Variants in EYS observed in about 807,000 individuals in gnomAD.
The protein encoded by EYS is EGF-like photoreceptor maintenance factor.
EYS carries 250 observed loss-of-function variants against 282.1 expected under a neutral mutation model. That is an observed-to-expected ratio of 0.89 (90% confidence interval 0.80 to 0.98). EYS has a LOEUF of 0.98. EYS is among the 50% of genes least tolerant of loss of function. EYS has a pLI of 0.00. For synonymous variants in EYS, 1,355 were observed against 1,282.9 expected (o/e 1.06, Z -1.20); for missense variants, 4,016 against 3,709.0 (o/e 1.08, Z -2.15).
At chr6:64,673,084 A>C (rs1339731999) in intron 22 of EYS, among the ~76,000 whole-genome samples, 1 of 152,188 alleles carries the variant, frequency 6.6e-6, no homozygotes, top group African/African-American at 2.4e-5. Context: ...AACCAATTTT[A>C]CCCTTTCTTT....
intron 31 of EYS, among the ~76,000 whole-genome samples, chr6:64,193,509 T>C (rs1295317074): frequency 6.6e-6 from 1 of 151,984 alleles, no homozygotes; most frequent in East Asian, 1.9e-4. Flanking sequence ...TATTTATTTA[T>C]TTTTATTATA....
chr6:65,234,011 C>G (rs1349331808), intron 12 of EYS, among the ~76,000 whole-genome samples: 1 of 152,172 alleles, frequency 6.6e-6, no homozygotes, highest in African/African-American at 2.4e-5. Flanking sequence ...CTTCCTGATT[C>G]TATCACATTT....
At chr6:64,136,224 CA>C (rs1292455510) in intron 31 of EYS, among the ~76,000 whole-genome samples, 4 of 151,568 alleles carry the variant, frequency 2.6e-5, no homozygotes, top group African/African-American at 9.7e-5. Flanking sequence ...GAGATTATAG[CA>C]AGTTAGTCAC....
At chr6:64,595,106 G>T (rs1357362613) in intron 24 of EYS, among the ~76,000 whole-genome samples, 1 of 152,058 alleles carries the variant, frequency 6.6e-6, no homozygotes, top group South Asian at 2.1e-4. Flanking sequence ...GATCAAGTGG[G>T]ATTTATCCCA....
At chr6:65,155,115 G>GA (rs888274182) in intron 12 of EYS, among the ~76,000 whole-genome samples, 2 of 151,456 alleles carry the variant, frequency 1.3e-5, no homozygotes, top group Admixed American at 1.3e-4. Context: ...ACATCATTTT[G>GA]AATCTTCAGA....
chr6:65,202,566 C>A (rs963904459), intron 12 of EYS, among the ~76,000 whole-genome samples: 1 of 152,212 alleles, frequency 6.6e-6, no homozygotes, highest in South Asian at 2.1e-4. Context: ...AAGATGACAT[C>A]TGCGGCCTGA....
chr6:64,178,061 T>C (rs1002906739), intron 31 of EYS, among the ~76,000 whole-genome samples: 4 of 152,040 alleles, frequency 2.6e-5, no homozygotes, highest in African/African-American at 9.7e-5. Context: ...CCTAGGTTTG[T>C]TTTTTTCTTC....
chr6:64,055,007 T>C (rs1474551820), intron 33 of EYS, among the ~76,000 whole-genome samples: 4 of 152,172 alleles, frequency 2.6e-5, no homozygotes, highest in Admixed American at 2.0e-4. Flanking sequence ...TCTGGACAGT[T>C]TTCTTTCCTA....
At chr6:64,023,720 C>G (rs1390528153) in intron 33 of EYS, among the ~76,000 whole-genome samples, 1 of 152,254 alleles carries the variant, frequency 6.6e-6, no homozygotes, top group East Asian at 1.9e-4. Flanking sequence ...GTGGGAGCCC[C>G]TTTCTGGGCA....
intron 12 of EYS, among the ~76,000 whole-genome samples, chr6:65,152,470 C>T (rs1476276878): frequency 6.6e-6 from 1 of 151,822 alleles, no homozygotes; most frequent in Non-Finnish European, 1.5e-5. Context: ...GAACTTTCTA[C>T]AAATACAGAC....
chr6:64,066,210 G>A (rs1218841851), intron 33 of EYS, 128 bp downstream of exon 33: 16 of 725,968 alleles, frequency 2.2e-5, no homozygotes, highest in African/African-American at 7.5e-5. Flanking sequence ...CCCGGGAGGC[G>A]GAGGTTGTAG....
At chr6:65,394,265 T>G (rs1766178756) in intron 7 of EYS, among the ~76,000 whole-genome samples, 1 of 152,076 alleles carries the variant, frequency 6.6e-6, no homozygotes, top group South Asian at 2.1e-4. Context: ...ATGGCAGTAT[T>G]AATAATGTAG....
chr6:63,740,791 G>T (rs569259955), intron 41 of EYS, among the ~76,000 whole-genome samples: 5 of 152,246 alleles, frequency 3.3e-5, no homozygotes, highest in South Asian at 2.1e-4. Flanking sequence ...GGTGTGAATG[G>T]GTCTGCCTCT....
chr6:64,255,933 A>C (rs555340333), intron 30 of EYS, among the ~76,000 whole-genome samples: 186 of 152,092 alleles, frequency 1.2e-3, no homozygotes, highest in African/African-American at 4.1e-3. Flanking sequence ...ATAGTTAAAA[A>C]AAAGTTCATT....
intron 2 of EYS, among the ~76,000 whole-genome samples, chr6:65,533,405 A>G (rs1332073692): frequency 6.6e-6 from 1 of 152,160 alleles, no homozygotes; most frequent in Non-Finnish European, 1.5e-5. Context: ...TACCACAGGT[A>G]CCAAGAGGAG....
In EYS at chr6:64,174,922, G is replaced by GT. The variant is rs201275172; in HGVS notation, c.6424+55669dup. ...TAAGAACTCATGTTGGATTTCAAGA[G>GT]TTTTTTTTCTAAAACTAGTAGACTA... is the stretch of plus-strand genomic sequence containing the variant. On this transcript the variant is annotated intron_variant, in intron 31 of 42. Transcript: ENST00000503581. 6.6e-3 allele frequency among the ~76,000 whole-genome samples: 995 copies of GT among 151,824 alleles called. 7 individuals are homozygous for GT. The highest frequency in any genetic ancestry group is 0.011 in the Non-Finnish European group (770 of 67,880).
intron 26 of EYS, among the ~76,000 whole-genome samples, chr6:64,496,797 C>G (rs1311045734): frequency 6.6e-6 from 1 of 151,682 alleles, no homozygotes; most frequent in Non-Finnish European, 1.5e-5. Context: ...AAAATTATGC[C>G]ACATGATTAT....
intron 12 of EYS, among the ~76,000 whole-genome samples, chr6:65,143,595 A>T (rs7743923): frequency 0.12 from 18,293 of 152,074 alleles, 1,440 homozygotes; most frequent in African/African-American, 0.22. Context: ...GATGAAAATG[A>T]CAAATTGAGA....
chr6:64,366,719 A>T (rs920568296), intron 29 of EYS, among the ~76,000 whole-genome samples: 3 of 152,066 alleles, frequency 2.0e-5, no homozygotes, highest in Non-Finnish European at 2.9e-5. Flanking sequence ...TGAGTGATCT[A>T]CTGGCAGAAA....
Sources: gnomAD v4.1 joint callset for allele counts (sites outside exome capture counted in the v4.1 genomes callset) on GRCh38, gnomAD v4.1.1 for gene constraint, MANE v1.5 for transcripts, NCBI Gene and HGNC (gene_info 2026-07-23, HGNC 2026-07-21) for gene names.